Variants in SBSPON observed in about 807,000 individuals in gnomAD.
The protein encoded by SBSPON is somatomedin B and thrombospondin type 1 domain containing.
A neutral mutation model predicts 35.8 loss-of-function variants in SBSPON; 30 were observed. The ratio of observed to expected loss-of-function variants is 0.84; its 90% confidence interval spans 0.63 to 1.14. The LOEUF is 1.14. Among genes scored for constraint, SBSPON ranks in the 50% most tolerant of loss-of-function variants. The probability of loss-of-function intolerance (pLI) is 0.00; values close to 1 mark genes in which losing one functional copy is unlikely to be tolerated. For synonymous variants in SBSPON, 136 were observed against 135.9 expected, an observed-to-expected ratio of 1.00 and a Z score of 0.00; for missense variants, 364 against 357.7, an observed-to-expected ratio of 1.02 and a Z score of -0.14.
intron 1 of SBSPON, among the ~76,000 whole-genome samples, chr8:73,091,853 G>A (rs1322811307): frequency 6.6e-6 from 1 of 152,178 alleles, no homozygotes; most frequent in Non-Finnish European, 1.5e-5. Context: ...GCAGGAGGGT[G>A]CTCCCCGCCA....
chr8:73,067,478 G>T lies in SBSPON; in HGVS notation c.678-20C>A. On this transcript the variant is annotated intron_variant, in intron 4 of 4. Coordinates refer to ENST00000297354, the MANE Select transcript of SBSPON (RefSeq NM_153225.4). Reference sequence around the variant, plus strand: ...TGATTTCTGAAACGATATTTCGAAAGTGTTAGTTACACTAAAAGCATACCG... The same window carrying T: ...TGATTTCTGAAACGATATTTCGAAATTGTTAGTTACACTAAAAGCATACCG... The T allele has an allele frequency of 1.4e-6, 2 of 1,432,696 alleles. No individual in the cohort carries two copies. Among genetic ancestry groups the T allele is most frequent in the Non-Finnish European group, 2.0e-6 (2 of 1,017,402 alleles). 88.7% of individuals were successfully genotyped at this position (1,432,696 alleles called of 1,614,324 possible).
intron 2 of SBSPON, among the ~76,000 whole-genome samples, chr8:73,075,369 C>A (rs987418411): frequency 5.9e-5 from 9 of 152,004 alleles, no homozygotes; most frequent in Middle Eastern, 3.2e-3. Flanking sequence ...TTTAATACAC[C>A]CCCCCCAAAT....
At chr8:73,088,531 A>C (rs970116462) in intron 1 of SBSPON, among the ~76,000 whole-genome samples, 1 of 152,194 alleles carries the variant, frequency 6.6e-6, no homozygotes, top group East Asian at 1.9e-4. Context: ...AAAAATAGCC[A>C]GGCTTGGCAG....
At chr8:73,089,931 T>C (rs1291222933) in intron 1 of SBSPON, among the ~76,000 whole-genome samples, 1 of 152,162 alleles carries the variant, frequency 6.6e-6, no homozygotes, top group Non-Finnish European at 1.5e-5. Flanking sequence ...TGAAGTGCAG[T>C]GGCATGGTCA....
At chr8:73,082,903 C>A (rs1332838702) in intron 1 of SBSPON, among the ~76,000 whole-genome samples, 1 of 152,208 alleles carries the variant, frequency 6.6e-6, no homozygotes, top group Non-Finnish European at 1.5e-5. Context: ...TGGGCTTGAA[C>A]AACACTTAAT....
intron 1 of SBSPON, among the ~76,000 whole-genome samples, chr8:73,089,753 G>A (rs1166451489): frequency 6.6e-6 from 1 of 152,176 alleles, no homozygotes; most frequent in Non-Finnish European, 1.5e-5. Context: ...AGTGCTAAGA[G>A]CCAACCAACA....
At chr8:73,081,822 C>G (rs948377195) in intron 1 of SBSPON, among the ~76,000 whole-genome samples, 8 of 152,238 alleles carry the variant, frequency 5.3e-5, no homozygotes, top group South Asian at 2.1e-4. Context: ...GGCTTGTAGA[C>G]TCATGAACTA....
At chr8:73,085,266 T>A (rs1045549145) in intron 1 of SBSPON, among the ~76,000 whole-genome samples, 6 of 152,180 alleles carry the variant, frequency 3.9e-5, no homozygotes, top group African/African-American at 1.4e-4. Context: ...AAGCTTCTCC[T>A]GGCAGCTACA....
At chr8:73,069,606 T>G (rs1046559271) in intron 4 of SBSPON, among the ~76,000 whole-genome samples, 199 bp downstream of exon 4, 9 of 152,242 alleles carry the variant, frequency 5.9e-5, no homozygotes, top group Non-Finnish European at 1.2e-4. Flanking sequence ...ACTGCTGGTG[T>G]ATAGGGCCTG....
intron 2 of SBSPON, chr8:73,074,570 C>T (rs962035652): frequency 2.4e-5 from 24 of 983,896 alleles, no homozygotes; most frequent in African/African-American, 1.6e-4. Flanking sequence ...CTCCTCAGGG[C>T]GGCACTCCAC....
chr8:73,092,943 C>G lies in SBSPON; in HGVS notation c.125G>C (p.Arg42Thr), dbSNP rs763731115. Residue 42 changes from arginine (R) to threonine (T), a missense_variant, in exon 1 of 5, where the codon AGG becomes ACG. Coordinates refer to ENST00000297354, the MANE Select transcript of SBSPON (RefSeq NM_153225.4). ...RDPACFARGW[R>T]LDRVYGTCFC... ...ACACGTCCCGTAGACCCTGTCCAGC[C>G]TCCAGCCGCGGGCGAAGCAGGCGGG... 7.5e-6 allele frequency: 12 copies of G among 1,606,498 alleles called. No individual in the cohort carries two copies. The highest frequency in any genetic ancestry group is 1.7e-4 in the Middle Eastern group (1 of 6,012).
At chr8:73,087,468 C>T (rs1197977272) in intron 1 of SBSPON, among the ~76,000 whole-genome samples, 1 of 152,192 alleles carries the variant, frequency 6.6e-6, no homozygotes, top group Non-Finnish European at 1.5e-5. Flanking sequence ...AGGGCCGCAG[C>T]CAAATTCTGC....
intron 4 of SBSPON, among the ~76,000 whole-genome samples, chr8:73,069,158 G>A (rs1352827185): frequency 6.6e-6 from 1 of 152,118 alleles, no homozygotes; most frequent in African/African-American, 2.4e-5. Flanking sequence ...CGGAAATGAG[G>A]TTCAGGAATC....
chr8:73,073,262 G>C (rs182845119), intron 2 of SBSPON, among the ~76,000 whole-genome samples: 1 of 152,328 alleles, frequency 6.6e-6, no homozygotes, highest in Non-Finnish European at 1.5e-5. Flanking sequence ...AGCCAAGATG[G>C]CTCAGCAGTC....
intron 1 of SBSPON, among the ~76,000 whole-genome samples, chr8:73,086,742 G>C (rs1305835584): frequency 1.3e-5 from 2 of 152,074 alleles, no homozygotes; most frequent in Admixed American, 1.3e-4. Flanking sequence ...TATATACTAT[G>C]TAACCCAGGA....
At chr8:73,083,531 G>A (rs543863041) in intron 1 of SBSPON, among the ~76,000 whole-genome samples, 2 of 152,210 alleles carry the variant, frequency 1.3e-5, no homozygotes, top group Non-Finnish European at 2.9e-5. Flanking sequence ...GGAGGTTAAG[G>A]GAAGTACGGA....
chr8:73,067,264 G>T lies in SBSPON; in HGVS notation c.*77C>A. Reference sequence around the variant, plus strand: ...TTTGGGGACTTTGGCCAAAATTGAAGGTTTAGGAAACATTGAACATGACTT... The same window carrying T: ...TTTGGGGACTTTGGCCAAAATTGAATGTTTAGGAAACATTGAACATGACTT... On this transcript the variant is annotated 3_prime_UTR_variant, in exon 5 of 5. Transcript: ENST00000297354. The T allele has an allele frequency of 1.1e-6, 1 of 926,170 alleles. No individual in the cohort carries two copies. Among genetic ancestry groups the T allele is most frequent in the Non-Finnish European group, 1.7e-6 (1 of 580,788 alleles). 57.4% of individuals were successfully genotyped at this position (926,170 alleles called of 1,614,324 possible).
Position 73,067,407 on chromosome 8 carries a change from A to C in SBSPON, c.729T>G (p.Thr243=). Residue 243 remains threonine (T), a synonymous_variant, in exon 5 of 5, where the codon ACT becomes ACG. Transcript: ENST00000297354. ...QAIGNPRCQG[T]WKKVRRVDQC... is the part of the protein sequence containing the mutation. ...GGTCTACTCGCCGAACTTTTTTCCA[A>C]GTTCCTTGACACCGAGGATTACCAA... The C allele has an allele frequency of 6.2e-7, 1 of 1,612,604 alleles. No individual in the cohort carries two copies.
At chr8:73,071,590 A>G (rs1810492639) in intron 3 of SBSPON, among the ~76,000 whole-genome samples, 190 bp downstream of exon 3, 2 of 152,194 alleles carry the variant, frequency 1.3e-5, no homozygotes, top group South Asian at 2.1e-4. Context: ...AGGTAGATAT[A>G]TCTTTATAGC....
Sources: gnomAD v4.1 joint callset for allele counts (sites outside exome capture counted in the v4.1 genomes callset) on GRCh38, gnomAD v4.1.1 for gene constraint, MANE v1.5 for transcripts, NCBI Gene and HGNC (gene_info 2026-07-23, HGNC 2026-07-21) for gene names.